Variants in ICA1L observed in about 807,000 individuals in gnomAD.
ICA1L encodes the protein islet cell autoantigen 1-like protein.
ICA1L carries 50 observed loss-of-function variants against 61.3 expected under a neutral mutation model. That is an observed-to-expected ratio of 0.82 (90% CI 0.65 to 1.03). The LOEUF (loss-of-function observed/expected upper bound fraction) is 1.03. ICA1L is among the 50% of genes least tolerant of loss of function. The pLI is 0.00. For missense variants in ICA1L, 508 were observed against 556.7 expected, an observed-to-expected ratio of 0.91 and a Z score of 0.88; for synonymous variants, 161 against 191.3, an observed-to-expected ratio of 0.84 and a Z score of 1.31.
chr2:202,819,013 A>C (rs1467173034), intron 5 of ICA1L, among the ~76,000 whole-genome samples: 4 of 152,240 alleles, frequency 2.6e-5, no homozygotes, highest in Admixed American at 1.3e-4. Flanking sequence ...GGGATGGAAT[A>C]CGAGGTAGTT....
chr2:202,774,259 A>ATT lies in ICA1L; in HGVS notation c.*5273_*5274insAA, dbSNP rs1692144642. 2.6e-6 allele frequency: 4 copies of ATT among 1,545,322 alleles called. No homozygotes were observed. The African/African-American group carries it at 5.5e-5, about 21-fold the overall frequency. ...GAGTCTTCTCGCTCCTGTCGGCCAAAGGCCGTGACCCCGACGCGTGCAGGC... is the reference window on the plus strand; with the variant it reads ...GAGTCTTCTCGCTCCTGTCGGCCAAATTGGCCGTGACCCCGACGCGTGCAGGC... On this transcript the variant is annotated 3_prime_UTR_variant, in exon 13 of 13. Transcript: ENST00000358299.
intron 1 of ICA1L, among the ~76,000 whole-genome samples, chr2:202,863,775 C>T (rs1163365312): frequency 1.3e-5 from 2 of 148,526 alleles, no homozygotes; most frequent in East Asian, 2.0e-4. Context: ...TGCAGTGAGC[C>T]GAGATAGCAC....
chr2:202,857,686 G>A (rs892767585), intron 1 of ICA1L, among the ~76,000 whole-genome samples: 1 of 152,130 alleles, frequency 6.6e-6, no homozygotes, highest in Admixed American at 6.6e-5. Flanking sequence ...AAGTGAACAG[G>A]CAACCTACAG....
At chr2:202,803,559 G>A (rs1319742496) in intron 9 of ICA1L, among the ~76,000 whole-genome samples, 4 of 152,092 alleles carry the variant, frequency 2.6e-5, no homozygotes, top group Non-Finnish European at 4.4e-5. Context: ...TATTGAGACA[G>A]GTTGTCACTC....
In ICA1L at chr2:202,826,046, G is replaced by A. The variant is rs573486692; in HGVS notation, c.163-279C>T. Among the ~76,000 whole-genome samples, 68 of 152,170 alleles carry A rather than the reference G, an allele frequency of 4.5e-4. 2 individuals carry two copies. In the South Asian group the frequency reaches 0.014, roughly 31 times the overall value. On this transcript the variant is annotated intron_variant, in intron 2 of 12. Coordinates refer to ENST00000358299, the MANE Select transcript of ICA1L (RefSeq NM_001288622.3). The stretch of plus-strand genomic sequence containing the variant: ...CATCTCAGCTCCTGTCCTCATCTCA[G>A]CTCCAAACTATCTAAATAACAACAA...
chr2:202,789,083 T>C lies in ICA1L; in HGVS notation c.990A>G (p.Ala330=). 6.2e-7 allele frequency: 1 copy of C among 1,605,544 alleles called. No homozygotes were observed. The highest frequency in any genetic ancestry group is 8.5e-7 in the Non-Finnish European group (1 of 1,177,208). ...APQFSNSENV[A]KDLPVDSLEG... Reference sequence around the variant, plus strand: ...CCAATGAATCTACAGGTAGATCTTTTGCAACTATTGAGTGTAAATAAAAAC... The same window carrying C: ...CCAATGAATCTACAGGTAGATCTTTCGCAACTATTGAGTGTAAATAAAAAC... The change falls in exon 11 of 13, where the codon GCA becomes GCG. Residue 330 remains alanine (A), a synonymous_variant. Coordinates refer to ENST00000358299, the MANE Select transcript of ICA1L (RefSeq NM_001288622.3).
chr2:202,799,301 A>G (rs1334287513), intron 9 of ICA1L, among the ~76,000 whole-genome samples: 1 of 152,096 alleles, frequency 6.6e-6, no homozygotes, highest in Non-Finnish European at 1.5e-5. Context: ...TGTCTTTTTA[A>G]TAATAGCCTT....
At chr2:202,863,546 C>T (rs952979380) in intron 1 of ICA1L, among the ~76,000 whole-genome samples, 3 of 151,772 alleles carry the variant, frequency 2.0e-5, no homozygotes, top group African/African-American at 2.4e-5. Flanking sequence ...TAAAAAAGGC[C>T]GGGCGCGGTG....
intron 1 of ICA1L, among the ~76,000 whole-genome samples, chr2:202,867,079 TG>T (rs1310548268): frequency 6.6e-6 from 1 of 152,132 alleles, no homozygotes; most frequent in African/African-American, 2.4e-5. Context: ...AATTTAAAAT[TG>T]CTATTTGAAA....
At chr2:202,846,228 T>A (rs1373862120) in intron 1 of ICA1L, among the ~76,000 whole-genome samples, 1 of 151,976 alleles carries the variant, frequency 6.6e-6, no homozygotes, top group Non-Finnish European at 1.5e-5. Context: ...CCAGTTATAC[T>A]TTTACCCTTT....
chr2:202,783,027 G>A (rs1692460460), intron 12 of ICA1L, among the ~76,000 whole-genome samples: 1 of 152,114 alleles, frequency 6.6e-6, no homozygotes. Flanking sequence ...TGACCTCAAA[G>A]TACTGGGAAG....
chr2:202,801,804 C>T (rs909534176), intron 9 of ICA1L, among the ~76,000 whole-genome samples: 2 of 152,186 alleles, frequency 1.3e-5, no homozygotes, highest in Non-Finnish European at 2.9e-5. Flanking sequence ...GCCGAGCCCA[C>T]AATTCTACAT....
In ICA1L at chr2:202,775,886, C is replaced by A. The variant is rs1207903243; in HGVS notation, c.*3647G>T. The A allele has an allele frequency of 6.6e-6, 1 of 152,118 alleles. No individual in the cohort carries two copies. The highest frequency in any genetic ancestry group is 1.5e-5 in the Non-Finnish European group (1 of 68,026). The allele number at this position is 152,118 out of a possible 1,614,324, so 9.4% of individuals were successfully genotyped here. ...TGTCCGTATCAACTCAATGTACTTT[C>A]CTAATACTATGATCTTGAGGTAAAA... On this transcript the variant is annotated 3_prime_UTR_variant, in exon 13 of 13. Coordinates refer to ENST00000358299, the MANE Select transcript of ICA1L (RefSeq NM_001288622.3).
rs1471938457 is a variant in ICA1L at position 202,849,377 on chromosome 2, C to A, written c.-7-20361G>T. Reference sequence around the variant, plus strand: ...CCACAGAGCCCAGCAAGCTAAGAACCACTGGGTTGAAATTCTCACTGCCAG... The same window carrying A: ...CCACAGAGCCCAGCAAGCTAAGAACAACTGGGTTGAAATTCTCACTGCCAG... On this transcript the variant is annotated intron_variant, in intron 1 of 12. Transcript: ENST00000358299. The surrounding 1 kb of genome is among the most constrained non-coding windows in gnomAD (Gnocchi z 4.5). 2.0e-5 allele frequency among the ~76,000 whole-genome samples: 3 copies of A among 152,204 alleles called. No homozygotes were observed. Among genetic ancestry groups the A allele is most frequent in the Non-Finnish European group, 4.4e-5 (3 of 68,036 alleles).
chr2:202,800,958 G>A (rs1405078062), intron 9 of ICA1L, among the ~76,000 whole-genome samples: 3 of 151,994 alleles, frequency 2.0e-5, no homozygotes, highest in Non-Finnish European at 4.4e-5. Flanking sequence ...TGTTAGAAAT[G>A]TACAGAAGAT....
intron 9 of ICA1L, among the ~76,000 whole-genome samples, chr2:202,803,632 C>T (rs1481261767): frequency 6.6e-6 from 1 of 152,070 alleles, no homozygotes; most frequent in Non-Finnish European, 1.5e-5. Context: ...CCTACCCACA[C>T]TCAACTGATC....
chr2:202,870,978 C>T (rs988902872), intron 1 of ICA1L: 1 of 152,220 alleles, frequency 6.6e-6, no homozygotes, highest in Non-Finnish European at 1.5e-5. Flanking sequence ...ATATCTGTGC[C>T]GTGGGGTCGG....
chr2:202,814,604 A>G, intron 8 of ICA1L, 98 bp downstream of exon 8: 1 of 784,024 alleles, frequency 1.3e-6, no homozygotes, highest in Non-Finnish European at 2.1e-6. Flanking sequence ...ACATAGGAAT[A>G]AATATTCAGT....
chr2:202,784,415 A>G (rs1183457643), intron 12 of ICA1L, among the ~76,000 whole-genome samples: 1 of 152,222 alleles, frequency 6.6e-6, no homozygotes, highest in East Asian at 1.9e-4. Context: ...ATTGCACTCC[A>G]GCCTGGGCGA....
Sources: allele counts gnomAD v4.1 joint callset (sites outside exome capture counted in the v4.1 genomes callset), GRCh38; gene constraint gnomAD v4.1.1; non-coding constraint Gnocchi (gnomAD v3.1); transcripts MANE v1.5; gene names NCBI Gene and HGNC (gene_info 2026-07-23, HGNC 2026-07-21).